The following PIEZO2 variants were observed in gnomAD, a reference collection of about 807,000 sequenced individuals.
The protein encoded by PIEZO2 is piezo type mechanosensitive ion channel component 2.
A neutral mutation model predicts 337.3 loss-of-function variants in PIEZO2; 172 were observed. The observed-to-expected ratio is 0.51, with a 90% CI of 0.45 to 0.58. The LOEUF (loss-of-function observed/expected upper bound fraction) is 0.58, where lower values mean the gene tolerates loss of function less well. Among genes scored for constraint, PIEZO2 ranks in the 20% least tolerant of loss-of-function variants. The pLI, the probability that PIEZO2 is intolerant of heterozygous loss-of-function variation, is 0.00. For synonymous variants in PIEZO2, 1,251 were observed against 1,228.5 expected (o/e 1.02, Z -0.38); for missense variants, 3,028 against 3,391.3 (o/e 0.89, Z 2.66).
chr18:10,789,523 A>T (rs2039342144), intron 14 of PIEZO2, among the ~76,000 whole-genome samples, 158 bp from the exon 15 acceptor site: 1 of 152,260 alleles, frequency 6.6e-6, no homozygotes, highest in African/African-American at 2.4e-5. Context: ...CAACATTTAT[A>T]ACTAGATTAA....
intron 30 of PIEZO2, among the ~76,000 whole-genome samples, chr18:10,744,461 G>A (rs2037346665): frequency 6.6e-6 from 1 of 152,142 alleles, no homozygotes; most frequent in Non-Finnish European, 1.5e-5. Flanking sequence ...CACAAGCCCA[G>A]TAGTGAAGAT....
intron 1 of PIEZO2, among the ~76,000 whole-genome samples, chr18:11,119,411 A>T (rs12961436): frequency 0.55 from 83,829 of 152,056 alleles, 26,544 homozygotes; most frequent in Non-Finnish European, 0.7. Context: ...GTGCTGGGAT[A>T]ATAGGCGTGA....
At chr18:11,120,380 A>AT (rs1274488658) in intron 1 of PIEZO2, among the ~76,000 whole-genome samples, 4 of 152,070 alleles carry the variant, frequency 2.6e-5, no homozygotes, top group Non-Finnish European at 5.9e-5. Context: ...TCTTTGGTGC[A>AT]TTTTTTTGCA....
rs540167413 is a variant in PIEZO2, at chr18:11,129,395, C to T, written c.64+19130G>A. On this transcript the variant is annotated intron_variant, in intron 1 of 55. Coordinates refer to ENST00000674853, the MANE Select transcript of PIEZO2 (RefSeq NM_001378183.1). This position sits in a 1 kb window ranked among gnomAD's most constrained non-coding sequence, Gnocchi z 4.6. ...AAGCGGCAATCAGAATAGTCTCATT[C>T]GTGTAGAGCTCTGGCATTGGCTAAT... 3.6e-4 allele frequency among the ~76,000 whole-genome samples: 55 copies of T among 152,250 alleles called. No individual in the cohort carries two copies. The highest frequency in any genetic ancestry group is 6.9e-4 in the Non-Finnish European group (47 of 68,020).
chr18:11,076,216 A>G (rs987212367), intron 1 of PIEZO2, among the ~76,000 whole-genome samples: 15 of 152,254 alleles, frequency 9.9e-5, no homozygotes, highest in African/African-American at 3.6e-4. Flanking sequence ...TGATCAGTCA[A>G]GTATTCCTCA....
At chr18:10,785,961 AC>A (rs1413038713) in intron 16 of PIEZO2, among the ~76,000 whole-genome samples, 1 of 151,328 alleles carries the variant, frequency 6.6e-6, no homozygotes, top group Non-Finnish European at 1.5e-5. Flanking sequence ...CTGTCCACTC[AC>A]CCCCTGTCTT....
rs1197091771 is a variant in PIEZO2, at chr18:10,854,922, G to A, written c.917+431C>T. Among the ~76,000 whole-genome samples the A allele has an allele frequency of 6.6e-6, 1 of 152,064 alleles. No individual in the cohort carries two copies. The highest frequency in any genetic ancestry group is 2.4e-5 in the African/African-American group (1 of 41,408). The stretch of plus-strand genomic sequence containing the variant: ...GGGTTTCACCATGTTGCCCAGGCTG[G>A]GACTTTTATTTTTAAGCTTTTACAA... On this transcript the variant is annotated intron_variant, in intron 7 of 55. Coordinates refer to ENST00000674853, the MANE Select transcript of PIEZO2 (RefSeq NM_001378183.1). The surrounding 1 kb of genome is among the most constrained non-coding windows in gnomAD (Gnocchi z 4.6).
At position 10,682,775 on chromosome 18, in the gene PIEZO2, T is replaced by TGTATCATGTTGTTCGACACC. The variant is rs2034326543; in HGVS notation, c.7498-484_7498-483insGGTGTCGAACAACATGATAC. Among the ~76,000 whole-genome samples the TGTATCATGTTGTTCGACACC allele has an allele frequency of 6.6e-6, 1 of 151,948 alleles. No individual in the cohort carries two copies. Among genetic ancestry groups the TGTATCATGTTGTTCGACACC allele is most frequent in the African/African-American group, 2.4e-5 (1 of 41,378 alleles). On this transcript the variant is annotated intron_variant, in intron 49 of 55. Transcript: ENST00000674853. The surrounding 1 kb of genome is among the most constrained non-coding windows in gnomAD (Gnocchi z 5.6). Reference sequence around the variant, plus strand: ...TTAATTTAATTCATGACACGTGTTGTTAAAGACAATGTTGTTCGACACCTA... The same window carrying TGTATCATGTTGTTCGACACC: ...TTAATTTAATTCATGACACGTGTTGTGTATCATGTTGTTCGACACCTAAAGACAATGTTGTTCGACACCTA...
At chr18:10,975,288 A>G (rs1458349263) in intron 3 of PIEZO2, among the ~76,000 whole-genome samples, 1 of 152,246 alleles carries the variant, frequency 6.6e-6, no homozygotes, top group Non-Finnish European at 1.5e-5. Flanking sequence ...GGAGTCAAAC[A>G]AACTACGTCT....
chr18:10,725,463 C>G, intron 36 of PIEZO2: 1 of 1,567,068 alleles, frequency 6.4e-7, no homozygotes, highest in Non-Finnish European at 8.7e-7. Context: ...TGAAATAGGT[C>G]AGGGTGTGGG....
chr18:11,013,502 A>G (rs546209119), intron 2 of PIEZO2, among the ~76,000 whole-genome samples: 50 of 152,364 alleles, frequency 3.3e-4, no homozygotes, highest in African/African-American at 1.1e-3. Flanking sequence ...GTAATACAAT[A>G]AAGATTTATC....
intron 7 of PIEZO2, among the ~76,000 whole-genome samples, chr18:10,840,782 C>T (rs1377082759): frequency 6.6e-6 from 1 of 152,196 alleles, no homozygotes; most frequent in Non-Finnish European, 1.5e-5. Context: ...TGGCCAGATT[C>T]TTTCTGACAG....
At chr18:10,705,249 T>C in intron 41 of PIEZO2, 87 bp downstream of exon 41, 6 of 1,407,380 alleles carry the variant, frequency 4.3e-6, no homozygotes, top group East Asian at 2.5e-5. Context: ...TTTTTCTATA[T>C]ATGAATTTTT....
intron 1 of PIEZO2, among the ~76,000 whole-genome samples, chr18:11,137,221 C>G (rs1360801894): frequency 2.0e-5 from 3 of 152,150 alleles, no homozygotes; most frequent in Admixed American, 6.5e-5. Context: ...TCCTGAACCA[C>G]ATCTCTAACA....
rs369451930 is a variant in PIEZO2 at position 10,682,137 on chromosome 18, G to A, written c.7653C>T (p.Asp2551=). 122 of 1,537,086 alleles carry A rather than the reference G, an allele frequency of 7.9e-5. No homozygotes were observed. The African/African-American group carries it at 1.2e-3, about 15-fold the overall frequency. The change falls in exon 50 of 56, where the codon GAC becomes GAT. Residue 2551 remains aspartate (D), a synonymous_variant. Transcript: ENST00000674853. The surrounding 1 kb of genome is among the most constrained non-coding windows in gnomAD (Gnocchi z 5.6). The stretch of plus-strand genomic sequence containing the variant: ...CTCCCAGGGTAATTGTGACGGAGAC[G>A]TCCAGGGGCTGGTTGATGACCCCAG... ...SVAGVINQPL[D]VSVTITLGGY...
Position 10,942,852 on chromosome 18 carries a change from G to T in PIEZO2, c.287-31624C>A, listed in dbSNP as rs1244871931. On this transcript the variant is annotated intron_variant, in intron 3 of 55. Coordinates refer to ENST00000674853, the MANE Select transcript of PIEZO2 (RefSeq NM_001378183.1). This position sits in a 1 kb window ranked among gnomAD's most constrained non-coding sequence, Gnocchi z 4.4. ...CAAGTGATTTAGTAGGCCAGGCTCAGGGTCCCCGTGCTGTGTGCAGCCTAG... is the reference window on the plus strand; with the variant it reads ...CAAGTGATTTAGTAGGCCAGGCTCATGGTCCCCGTGCTGTGTGCAGCCTAG... Among the ~76,000 whole-genome samples the T allele has an allele frequency of 6.6e-6, 1 of 152,192 alleles. No individual in the cohort carries two copies. Among genetic ancestry groups the T allele is most frequent in the East Asian group, 1.9e-4 (1 of 5,180 alleles).
chr18:10,917,850 A>T (rs1364626201), intron 3 of PIEZO2, among the ~76,000 whole-genome samples: 2 of 152,170 alleles, frequency 1.3e-5, no homozygotes, highest in African/African-American at 4.8e-5. Flanking sequence ...AAACATCAGG[A>T]AATTGTACCA....
chr18:10,811,765 C>A (rs2040197668), intron 7 of PIEZO2, among the ~76,000 whole-genome samples: 1 of 152,252 alleles, frequency 6.6e-6, no homozygotes, highest in Middle Eastern at 3.2e-3. Context: ...ACATTTTGAA[C>A]TTTACCTTCT....
At chr18:10,947,802 T>C (rs1246736575) in intron 3 of PIEZO2, among the ~76,000 whole-genome samples, 1 of 152,182 alleles carries the variant, frequency 6.6e-6, no homozygotes, top group Non-Finnish European at 1.5e-5. Flanking sequence ...GGACAACATA[T>C]GTCATTAATA....
Sources: allele counts gnomAD v4.1 joint callset (sites outside exome capture counted in the v4.1 genomes callset), GRCh38; gene constraint gnomAD v4.1.1; non-coding constraint Gnocchi (gnomAD v3.1); transcripts MANE v1.5; gene names NCBI Gene and HGNC (gene_info 2026-07-23, HGNC 2026-07-21).